The following ALPK2 variants were observed in gnomAD, a reference collection of about 807,000 sequenced individuals.
ALPK2 encodes the protein alpha-protein kinase 2.
ALPK2 carries 127 observed loss-of-function variants against 163.1 expected under a neutral mutation model. The observed-to-expected ratio is 0.78, with a 90% CI of 0.67 to 0.90. The LOEUF is 0.90. Ranked by LOEUF, ALPK2 falls within the 40% of genes least tolerant of loss-of-function variation. The pLI is 0.00. For synonymous variants in ALPK2, 953 were observed against 959.1 expected (o/e 0.99, Z 0.12); for missense variants, 2,360 against 2,589.6 (o/e 0.91, Z 1.92).
rs2052246161 is a variant in ALPK2 at position 58,629,042 on chromosome 18, C to A, written c.-299G>T. ...TCAGTGAACTAGGTCATTGCTGAAG[C>A]TGGAGAATATATTTTAGCATCCCTG... On this transcript the variant is annotated 5_prime_UTR_variant, in exon 1 of 13. Coordinates refer to ENST00000361673, the MANE Select transcript of ALPK2 (RefSeq NM_052947.4). The A allele has an allele frequency of 6.6e-6, 1 of 152,192 alleles. No individual in the cohort carries two copies. The highest frequency in any genetic ancestry group is 6.5e-5 in the Admixed American group (1 of 15,280). The allele number at this position is 152,192 out of a possible 1,614,324, so 9.4% of individuals were successfully genotyped here. A position where few individuals can be genotyped will look rare whatever the true frequency, so the allele number is the denominator to read the frequency against.
chr18:58,561,022 A>C (rs1219578732), intron 4 of ALPK2, among the ~76,000 whole-genome samples: 2 of 152,202 alleles, frequency 1.3e-5, no homozygotes, highest in African/African-American at 2.4e-5. Flanking sequence ...ATGCTTCTGA[A>C]GTTGTCACAC....
At chr18:58,575,216 A>AG (rs2051913302) in intron 4 of ALPK2, among the ~76,000 whole-genome samples, 2 of 148,662 alleles carry the variant, frequency 1.3e-5, no homozygotes, top group African/African-American at 2.5e-5. Context: ...CAAAAAAAAA[A>AG]AAAGAAGAAG....
At chr18:58,578,762 A>ACACACG in intron 4 of ALPK2, 52 bp downstream of exon 4, 3 of 1,544,020 alleles carry the variant, frequency 1.9e-6, no homozygotes, top group Non-Finnish European at 2.6e-6. Flanking sequence ...ACACACACAC[A>ACACACG]CACACACACG....
intron 4 of ALPK2, among the ~76,000 whole-genome samples, chr18:58,556,028 G>C (rs2051789108): frequency 6.6e-6 from 1 of 152,078 alleles, no homozygotes; most frequent in African/African-American, 2.4e-5. Context: ...CACCATGTTA[G>C]CCAGGCTGGT....
chr18:58,575,341 G>A (rs2051914531), intron 4 of ALPK2, among the ~76,000 whole-genome samples: 1 of 152,206 alleles, frequency 6.6e-6, no homozygotes, highest in Non-Finnish European at 1.5e-5. Context: ...AGGGACTTGG[G>A]TTATATCAGC....
chr18:58,559,597 G>A (rs544937301), intron 4 of ALPK2, among the ~76,000 whole-genome samples: 27 of 152,270 alleles, frequency 1.8e-4, no homozygotes, highest in South Asian at 8.3e-4. Flanking sequence ...GAAAGGGCCC[G>A]GGGATTCTAT....
chr18:58,593,563 CAAAAAAAAAA>C (rs34460316), intron 3 of ALPK2, among the ~76,000 whole-genome samples: 30 of 50,650 alleles, frequency 5.9e-4, no homozygotes, highest in Middle Eastern at 0.037. Context: ...GACTCTGTCT[CAAAAAAAAAA>C]AAAAAAAAAA....
intron 6 of ALPK2, among the ~76,000 whole-genome samples, 200 bp from the exon 7 acceptor site, chr18:58,524,262 C>T (rs552140210): frequency 1.8e-4 from 28 of 152,346 alleles, no homozygotes; most frequent in Admixed American, 8.5e-4. Context: ...TTGGCTAACA[C>T]GCTCACTCCA....
In ALPK2 at chr18:58,516,954, C is replaced by A; in HGVS notation, c.5894G>T (p.Arg1965Ile). 6.2e-7 allele frequency: 1 copy of A among 1,614,208 alleles called. No homozygotes were observed. Among genetic ancestry groups the A allele is most frequent in the Non-Finnish European group, 8.5e-7 (1 of 1,180,022 alleles). ...KVHNAIAYGT[R>I]NNDELIQRNY... is the part of the protein sequence containing the mutation. Reference sequence around the variant, plus strand: ...CCTTTGGATGAGCTCATCATTATTTCTGGTCCCATAGGCAATGGCATTGTG... The same window carrying A: ...CCTTTGGATGAGCTCATCATTATTTATGGTCCCATAGGCAATGGCATTGTG... The change falls in exon 9 of 13, where the codon AGA becomes ATA. Residue 1965 changes from arginine to isoleucine, a missense_variant. Coordinates refer to ENST00000361673, the MANE Select transcript of ALPK2 (RefSeq NM_052947.4).
intron 9 of ALPK2, 106 bp downstream of exon 9, chr18:58,516,802 C>A: frequency 7.6e-7 from 1 of 1,318,348 alleles, no homozygotes; most frequent in Non-Finnish European, 1.1e-6. Flanking sequence ...AGAGGAAAAA[C>A]ACCCTTTTGA....
Position 58,537,444 on chromosome 18 carries a change from C to T in ALPK2, c.2743G>A (p.Glu915Lys). The change falls in exon 5 of 13, where the codon GAG (glutamate) becomes AAG (lysine). Residue 915 changes from glutamate to lysine, a missense_variant. By Grantham distance (56) the Glu-to-Lys change is moderately conservative. Coordinates refer to ENST00000361673, the MANE Select transcript of ALPK2 (RefSeq NM_052947.4). ...GATGENLAKV[E>K]NSTYPLASTV... ...GAGGCCAGTGGGTAGGTGGAATTCTCCACCTTGGCTAGATTTTCTCCTGTG... is the reference window on the plus strand; with the variant it reads ...GAGGCCAGTGGGTAGGTGGAATTCTTCACCTTGGCTAGATTTTCTCCTGTG... 1 of 1,612,612 alleles carries T rather than the reference C, an allele frequency of 6.2e-7. No individual in the cohort carries two copies.
rs546429433 is a variant in ALPK2 at position 58,542,278 on chromosome 18, G to T, written c.1963-4054C>A. ...GCATGTCTGCACCATCTTGTCAAGT[G>T]CCTGACATATTGCCTGGTGCCCAGA... On this transcript the variant is annotated intron_variant, in intron 4 of 12. Coordinates refer to ENST00000361673, the MANE Select transcript of ALPK2 (RefSeq NM_052947.4). 9.8e-5 allele frequency among the ~76,000 whole-genome samples: 15 copies of T among 152,318 alleles called. No homozygotes were observed. In the South Asian group the frequency reaches 3.1e-3, roughly 32 times the overall value.
intron 8 of ALPK2, among the ~76,000 whole-genome samples, chr18:58,519,224 A>AT (rs2051537083): frequency 1.3e-5 from 2 of 152,208 alleles, no homozygotes; most frequent in Non-Finnish European, 2.9e-5. Flanking sequence ...GCACAGTTTT[A>AT]TTTTAACAGT....
In ALPK2 at chr18:58,536,594, T is replaced by G; in HGVS notation, c.3593A>C (p.Glu1198Ala). 1 of 1,614,176 alleles carries G rather than the reference T, an allele frequency of 6.2e-7. No homozygotes were observed. The highest frequency in any genetic ancestry group is 8.5e-7 in the Non-Finnish European group (1 of 1,180,020). ...CTGACTGTCTTCTTCCCCAGCAGTTTCAGCCACCACGGAGACCCTCGTCCC... is the reference window on the plus strand; with the variant it reads ...CTGACTGTCTTCTTCCCCAGCAGTTGCAGCCACCACGGAGACCCTCGTCCC... ...GWGTRVSVVA[E>A]TAGEEDSQAL... Residue 1198 changes from glutamate to alanine, a missense_variant, in exon 5 of 13, where the codon GAA (glutamate) becomes GCA (alanine). Coordinates refer to ENST00000361673, the MANE Select transcript of ALPK2 (RefSeq NM_052947.4).
At chr18:58,553,676 C>T (rs1478469686) in intron 4 of ALPK2, among the ~76,000 whole-genome samples, 1 of 152,064 alleles carries the variant, frequency 6.6e-6, no homozygotes, top group Non-Finnish European at 1.5e-5. Flanking sequence ...TTCCCTGCTT[C>T]ACTTGGCATT....
chr18:58,556,417 C>CGCTTCCTG (rs2051791666), intron 4 of ALPK2, among the ~76,000 whole-genome samples: 1 of 152,168 alleles, frequency 6.6e-6, no homozygotes, highest in Non-Finnish European at 1.5e-5. Context: ...AAGGCTTCGC[C>CGCTTCCTG]GCTTCCTGAC....
chr18:58,579,931 T>G lies in ALPK2; in HGVS notation c.845A>C (p.His282Pro). 1 of 1,614,202 alleles carries G rather than the reference T, an allele frequency of 6.2e-7. No individual in the cohort carries two copies. Among genetic ancestry groups the G allele is most frequent in the Non-Finnish European group, 8.5e-7 (1 of 1,180,038 alleles). The change falls in exon 4 of 13, where the codon CAC becomes CCC. Residue 282 changes from histidine to proline, a missense_variant. His to Pro is a moderately conservative substitution (Grantham distance 77). Transcript: ENST00000361673. ...CACGGCACTGTCACCTGGGTAAATG[T>G]GTGCAGTTGCCTCAGATAGCGGGAG... ...FSLPLSEATA[H>P]IYPGDSAVAN...
At chr18:58,496,850 C>T (rs1429507368) in intron 12 of ALPK2, among the ~76,000 whole-genome samples, 2 of 152,106 alleles carry the variant, frequency 1.3e-5, no homozygotes, top group African/African-American at 4.8e-5. Context: ...TATATGCAAA[C>T]CAACCAATCC....
At chr18:58,520,451 A>G (rs918568350) in intron 8 of ALPK2, among the ~76,000 whole-genome samples, 21 of 150,996 alleles carry the variant, frequency 1.4e-4, no homozygotes, top group African/African-American at 4.8e-4. Context: ...AAAAAAAAAA[A>G]AAAGAATCAG....
Sources: gnomAD v4.1 joint callset for allele counts (sites outside exome capture counted in the v4.1 genomes callset) on GRCh38, gnomAD v4.1.1 for gene constraint, MANE v1.5 for transcripts, NCBI Gene and HGNC (gene_info 2026-07-23, HGNC 2026-07-21) for gene names.